The following COBL variants were observed in gnomAD, a reference collection of about 807,000 sequenced individuals.
COBL encodes the protein protein cordon-bleu.
In COBL, 51 loss-of-function variants were observed where a neutral mutation model predicts 98.8. The ratio of observed to expected loss-of-function variants is 0.52; its 90% CI spans 0.41 to 0.65. The LOEUF is 0.65. COBL is among the 30% of genes least tolerant of loss of function. COBL has a pLI of 0.00. For synonymous variants in COBL, 634 were observed against 651.7 expected (o/e 0.97, Z 0.41); for missense variants, 1,617 against 1,617.5 (o/e 1.00, Z 0.01).
At chr7:51,044,291 G>A (rs1789485942) in intron 7 of COBL, among the ~76,000 whole-genome samples, 1 of 152,178 alleles carries the variant, frequency 6.6e-6, no homozygotes, top group Non-Finnish European at 1.5e-5. Context: ...GGAGTTTGGT[G>A]AGATGCATAG....
In COBL at chr7:51,261,712, G is replaced by A. The variant is rs918243532; in HGVS notation, c.42-41768C>T. Among the ~76,000 whole-genome samples the A allele has an allele frequency of 5.9e-5, 9 of 152,214 alleles. 1 individual carries two copies. The South Asian group carries it at 1.9e-3, about 32-fold the overall frequency. On this transcript the variant is annotated intron_variant, in intron 1 of 12. Transcript: ENST00000265136. ...CCAGGCGCGGTGGCTCACGCCTGTAGTCCCAGCACTTTGAGAGGCCGAAGT... is the reference window on the plus strand; with the variant it reads ...CCAGGCGCGGTGGCTCACGCCTGTAATCCCAGCACTTTGAGAGGCCGAAGT...
chr7:51,167,567 G>GA (rs542503096), intron 5 of COBL, among the ~76,000 whole-genome samples: 20 of 150,260 alleles, frequency 1.3e-4, no homozygotes, highest in East Asian at 1.2e-3. Context: ...CACAGAAATA[G>GA]AAAAAAAAAT....
intron 4 of COBL, chr7:51,188,092 C>A: frequency 1.5e-6 from 1 of 679,934 alleles, no homozygotes; most frequent in South Asian, 7.8e-5. Flanking sequence ...CTTGCTGGGT[C>A]AGCTTGCCTC....
intron 2 of COBL, among the ~76,000 whole-genome samples, chr7:51,214,331 T>C (rs1338179989): frequency 1.3e-5 from 2 of 150,016 alleles, no homozygotes; most frequent in Non-Finnish European, 3.0e-5. Flanking sequence ...ACAATGCTGG[T>C]TGTGTCCTTT....
At chr7:51,262,458 G>A (rs1011216113) in intron 1 of COBL, among the ~76,000 whole-genome samples, 2 of 152,180 alleles carry the variant, frequency 1.3e-5, no homozygotes, top group African/African-American at 2.4e-5. Flanking sequence ...CCACAGCGAG[G>A]TGGCCATGGG....
chr7:51,179,900 CT>C (rs1788774335), intron 5 of COBL, among the ~76,000 whole-genome samples: 1 of 152,126 alleles, frequency 6.6e-6, no homozygotes. Flanking sequence ...TTTGTGACTT[CT>C]TTTTGTTTGA....
intron 5 of COBL, among the ~76,000 whole-genome samples, chr7:51,178,182 A>T (rs12719040): frequency 1.3e-5 from 2 of 148,610 alleles, no homozygotes; most frequent in African/African-American, 2.5e-5. Flanking sequence ...CTCTCTCTCT[A>T]TATATATATA....
intron 8 of COBL, chr7:51,033,643 AC>A (rs1388474169): frequency 6.6e-6 from 1 of 152,220 alleles, no homozygotes; most frequent in African/African-American, 2.4e-5. Flanking sequence ...TGAATATTTT[AC>A]CCTTTTTCTT....
intron 5 of COBL, among the ~76,000 whole-genome samples, chr7:51,173,613 T>G (rs1788088797): frequency 6.6e-6 from 1 of 152,162 alleles, no homozygotes; most frequent in Non-Finnish European, 1.5e-5. Flanking sequence ...ACCAAAATCA[T>G]CTGGTGCAAT....
At chr7:51,141,439 A>T (rs566921994) in intron 5 of COBL, among the ~76,000 whole-genome samples, 3 of 152,292 alleles carry the variant, frequency 2.0e-5, no homozygotes, top group Non-Finnish European at 4.4e-5. Context: ...GCCCAGACAG[A>T]GCTACTCAAG....
At chr7:51,079,736 A>G (rs1583708963) in intron 7 of COBL, among the ~76,000 whole-genome samples, 1 of 152,352 alleles carries the variant, frequency 6.6e-6, no homozygotes, top group East Asian at 1.9e-4. Context: ...GCTCAGAGCA[A>G]TCTGCACATG....
chr7:51,018,744 T>A (rs1247486721), intron 12 of COBL, among the ~76,000 whole-genome samples: 1 of 150,656 alleles, frequency 6.6e-6, no homozygotes, highest in Admixed American at 6.6e-5. Flanking sequence ...AATAAAAAAT[T>A]AGCTGGGCAT....
chr7:51,125,452 A>G (rs1199994612), intron 6 of COBL, among the ~76,000 whole-genome samples: 2 of 152,212 alleles, frequency 1.3e-5, no homozygotes, highest in African/African-American at 4.8e-5. Context: ...AGGTTTTGGC[A>G]GCCCTAGAAA....
At chr7:51,077,220 A>G (rs1371068678) in intron 7 of COBL, among the ~76,000 whole-genome samples, 1 of 152,230 alleles carries the variant, frequency 6.6e-6, no homozygotes, top group Non-Finnish European at 1.5e-5. Flanking sequence ...AATCTTATTA[A>G]TAAGAAAAAA....
intron 1 of COBL, among the ~76,000 whole-genome samples, chr7:51,238,357 T>G (rs1388574576): frequency 2.6e-5 from 4 of 152,166 alleles, no homozygotes; most frequent in Non-Finnish European, 4.4e-5. Flanking sequence ...CTGGGTCTCA[T>G]GAGAAGGAGA....
intron 5 of COBL, among the ~76,000 whole-genome samples, chr7:51,140,203 G>T (rs1346877288): frequency 3.9e-5 from 6 of 152,198 alleles, no homozygotes; most frequent in Non-Finnish European, 1.5e-5. Flanking sequence ...CAGGCTTCAT[G>T]GGACTTAGGT....
At chr7:51,177,775 A>AAAATAAATAAATAAATAAAT (rs147309503) in intron 5 of COBL, among the ~76,000 whole-genome samples, 1 of 142,840 alleles carries the variant, frequency 7.0e-6, no homozygotes, top group Non-Finnish European at 1.5e-5. Context: ...CTGTCTCAAA[A>AAAATAAATAAATAAATAAAT]AAATAAATAA....
intron 7 of COBL, among the ~76,000 whole-genome samples, chr7:51,079,203 G>A (rs913870683): frequency 4.6e-5 from 7 of 152,146 alleles, no homozygotes; most frequent in Non-Finnish European, 1.0e-4. Context: ...TCGAGAAGGT[G>A]CCAAGGCTGG....
At chr7:51,313,713 G>A (rs186846063) in intron 1 of COBL, among the ~76,000 whole-genome samples, 1 of 152,302 alleles carries the variant, frequency 6.6e-6, no homozygotes, top group African/African-American at 2.4e-5. Flanking sequence ...GGGTCCAATG[G>A]GAAATTTAGC....
Sources: allele counts gnomAD v4.1 joint callset (sites outside exome capture counted in the v4.1 genomes callset), GRCh38; gene constraint gnomAD v4.1.1; transcripts MANE v1.5; gene names NCBI Gene and HGNC (gene_info 2026-07-23, HGNC 2026-07-21).